CRELD2: variants seen among roughly 807,000 people sequenced by gnomAD.
CRELD2 encodes CRELD disulfide isomerase 2.
CRELD2 carries 33 observed loss-of-function variants against 48.1 expected under a neutral mutation model. The observed-to-expected ratio is 0.69, with a 90% confidence interval of 0.52 to 0.92. The LOEUF (loss-of-function observed/expected upper bound fraction) is 0.92. CRELD2 is among the 40% of genes least tolerant of loss of function. The pLI, the probability that CRELD2 is intolerant of heterozygous loss-of-function variation, is 0.00. For synonymous variants in CRELD2, 220 were observed against 203.9 expected (o/e 1.08, Z -0.67); for missense variants, 477 against 482.4 (o/e 0.99, Z 0.10).
intron 3 of CRELD2, 126 bp downstream of exon 3, chr22:49,919,966 C>A: frequency 1.2e-6 from 1 of 824,534 alleles, no homozygotes; most frequent in South Asian, 1.5e-5. Flanking sequence ...CACCTTACCC[C>A]TGCATTACCG....
chr22:49,918,746 CGTCT>C lies in CRELD2; in HGVS notation c.-23_-20del. 1 of 966,640 alleles carries C rather than the reference CGTCT, an allele frequency of 1.0e-6. No individual in the cohort carries two copies. The highest frequency in any genetic ancestry group is 1.4e-6 in the Non-Finnish European group (1 of 735,516). The allele number at this position is 966,640 out of a possible 1,614,324, so 59.9% of individuals were successfully genotyped here. A position where few individuals can be genotyped will look rare whatever the true frequency, so the allele number is the denominator to read the frequency against. Reference sequence around the variant, plus strand: ...GCCGCAGGACCTGGAGCTCCGGCTGCGTCTTCCCGCAGCGCTACCCGCCATGCGC... The same window carrying C: ...GCCGCAGGACCTGGAGCTCCGGCTGCTCCCGCAGCGCTACCCGCCATGCGC... On this transcript the variant is annotated 5_prime_UTR_variant, in exon 1 of 10. Coordinates refer to ENST00000328268, the MANE Select transcript of CRELD2 (RefSeq NM_024324.5).
chr22:49,921,380 C>G lies in CRELD2; in HGVS notation c.416-205C>G. 6.8e-6 allele frequency: 4 copies of G among 586,412 alleles called. No homozygotes were observed. In the South Asian group the frequency reaches 8.7e-5, roughly 13 times the overall value. 36.3% of individuals were successfully genotyped at this position (586,412 alleles called of 1,614,324 possible). ...ACGTGGCCATAGTGAAGCCCAGGAG[C>G]CTGTGGCTTGCTCCACTCAGGCGAT... On this transcript the variant is annotated intron_variant, in intron 4 of 9. Transcript: ENST00000328268.
intron 5 of CRELD2, chr22:49,922,220 C>T: frequency 6.7e-7 from 1 of 1,484,578 alleles, no homozygotes; most frequent in Non-Finnish European, 9.1e-7. Context: ...GCCGGCAGCC[C>T]CTAGGCTATT....
At chr22:49,923,962 T>C (rs1601846787) in intron 7 of CRELD2, 2 of 227,716 alleles carry the variant, frequency 8.8e-6, no homozygotes, top group East Asian at 2.5e-4. Context: ...CAGTTTTCAC[T>C]GTTGGGAGTG....
chr22:49,921,954 C>A (rs1356210295), intron 5 of CRELD2, 193 bp downstream of exon 5: 2 of 626,302 alleles, frequency 3.2e-6, no homozygotes, highest in African/African-American at 3.7e-5. Context: ...ACTTCCTGTC[C>A]CGTAACAGCC....
intron 3 of CRELD2, 97 bp downstream of exon 3, chr22:49,919,937 C>T: frequency 1.0e-6 from 1 of 984,724 alleles, no homozygotes; most frequent in Non-Finnish European, 1.6e-6. Flanking sequence ...CAGTAGGGAG[C>T]TCCCACCTGC....
At chr22:49,924,540 A>C (rs1418772435) in intron 8 of CRELD2, 85 bp downstream of exon 8, 6 of 1,038,836 alleles carry the variant, frequency 5.8e-6, no homozygotes, top group Admixed American at 2.1e-5. Context: ...ACTGCCAGGG[A>C]TGGGAAGCAG....
chr22:49,918,657 T>C lies in CRELD2; in HGVS notation c.-113T>C, dbSNP rs1052125187. ...GCGGGGCCTCGCCGGCGCCGTCAAG[T>C]AGCCTGGGGGACAGGCCGGCGCGGC... On this transcript the variant is annotated 5_prime_UTR_variant, in exon 1 of 10. Transcript: ENST00000328268. The C allele has an allele frequency of 1.6e-5, 6 of 374,546 alleles. No individual in the cohort carries two copies. The highest frequency in any genetic ancestry group is 2.3e-5 in the Non-Finnish European group (5 of 217,432). The allele number at this position is 374,546 out of a possible 1,614,324, so 23.2% of individuals were successfully genotyped here.
chr22:49,927,526 T>C lies in CRELD2; in HGVS notation c.*219T>C. ...TTGTAATAAAATTGACCATTGTAGG[T>C]AATCAGGAGGAGAACGGGCGTGGGT... On this transcript the variant is annotated 3_prime_UTR_variant, in exon 10 of 10. Coordinates refer to ENST00000328268, the MANE Select transcript of CRELD2 (RefSeq NM_024324.5). 1 of 560,810 alleles carries C rather than the reference T, an allele frequency of 1.8e-6. No homozygotes were observed. Among genetic ancestry groups the C allele is most frequent in the Non-Finnish European group, 3.2e-6 (1 of 310,672 alleles). The allele number at this position is 560,810 out of a possible 1,614,324, so 34.7% of individuals were successfully genotyped here.
rs369179050 is a variant in CRELD2, at chr22:49,927,334, T to G, written c.*27T>G. The G allele has an allele frequency of 6.3e-7, 1 of 1,599,576 alleles. No homozygotes were observed. The highest frequency in any genetic ancestry group is 8.6e-7 in the Non-Finnish European group (1 of 1,168,182). ...GTGCCGGACTTACCCTTTAAATTAT[T>G]CAGAAGGATGTCCCGTGGAAAATGT... On this transcript the variant is annotated 3_prime_UTR_variant, in exon 10 of 10. Transcript: ENST00000328268.
Position 49,924,538 on chromosome 22 carries a change from G to C in CRELD2, c.868+83G>C, listed in dbSNP as rs1168617156. On this transcript the variant is annotated intron_variant, in intron 8 of 9. Coordinates refer to ENST00000328268, the MANE Select transcript of CRELD2 (RefSeq NM_024324.5). ...GAATGGCCCCAGCAGGTACTGCCAG[G>C]GATGGGAAGCAGTTGAGACCCGTCC... is the stretch of plus-strand genomic sequence containing the variant. The C allele has an allele frequency of 8.5e-6, 9 of 1,055,292 alleles. No homozygotes were observed. In the Admixed American group the frequency reaches 1.3e-4, roughly 15 times the overall value. The allele number at this position is 1,055,292 out of a possible 1,614,324, so 65.4% of individuals were successfully genotyped here. A position where few individuals can be genotyped will look rare whatever the true frequency, so the allele number is the denominator to read the frequency against.
chr22:49,924,297 C>T (rs1005180401), intron 7 of CRELD2, 63 bp from the exon 8 acceptor site: 11 of 1,211,840 alleles, frequency 9.1e-6, no homozygotes, highest in South Asian at 4.0e-5. Context: ...TTGTGCATGT[C>T]GGGGTCTGAC....
intron 4 of CRELD2, 41 bp from the exon 5 acceptor site, chr22:49,921,544 C>G (rs2060686828): frequency 6.3e-7 from 1 of 1,593,028 alleles, no homozygotes; most frequent in African/African-American, 1.3e-5. Context: ...GCACCGGTCA[C>G]CACCAGGTGT....
In CRELD2 at chr22:49,920,148, A is replaced by G. The variant is rs2060667487; in HGVS notation, c.324-8A>G. ...TGGGATTCAGTGAATGTTTTCCTCC[A>G]TCCTCAGGAAGAGCGAATATCCTGA... On this transcript the variant is annotated splice_region_variant and splice_polypyrimidine_tract_variant and intron_variant, in intron 3 of 9. Coordinates refer to ENST00000328268, the MANE Select transcript of CRELD2 (RefSeq NM_024324.5). 1.3e-6 allele frequency: 2 copies of G among 1,592,882 alleles called. No individual in the cohort carries two copies. Among genetic ancestry groups the G allele is most frequent in the Admixed American group, 1.7e-5 (1 of 59,820 alleles).
intron 8 of CRELD2, 31 bp from the exon 9 acceptor site, chr22:49,925,382 AAAGT>A (rs2060749672): frequency 1.4e-6 from 2 of 1,384,712 alleles, no homozygotes; most frequent in Non-Finnish European, 2.0e-6. Flanking sequence ...TCTGCTGAGC[AAAGT>A]AATTATTAAA....
At position 49,923,331 on chromosome 22, in the gene CRELD2, G is replaced by A. The variant is rs781669658; in HGVS notation, c.772+14G>A. The A allele has an allele frequency of 1.4e-6, 2 of 1,404,488 alleles. No homozygotes were observed. Among genetic ancestry groups the A allele is most frequent in the South Asian group, 3.0e-5 (2 of 66,568 alleles). 87.0% of individuals were successfully genotyped at this position (1,404,488 alleles called of 1,614,324 possible). ...ACACGTGCGAAGGTGGGCCAGGCGG[G>A]CGGGTCTGCACTCCGGGGCCTGCCG... On this transcript the variant is annotated intron_variant, in intron 7 of 9. Coordinates refer to ENST00000328268, the MANE Select transcript of CRELD2 (RefSeq NM_024324.5).
chr22:49,918,944 C>T, intron 1 of CRELD2, 46 bp downstream of exon 1: 3 of 1,345,986 alleles, frequency 2.2e-6, no homozygotes, highest in Non-Finnish European at 2.9e-6. Context: ...CCCGGGGTCC[C>T]CCTCACCCTG....
Position 49,927,361 on chromosome 22 carries a change from G to C in CRELD2, c.*54G>C. On this transcript the variant is annotated 3_prime_UTR_variant, in exon 10 of 10. Coordinates refer to ENST00000328268, the MANE Select transcript of CRELD2 (RefSeq NM_024324.5). ...AGAAGGATGTCCCGTGGAAAATGTG[G>C]CCCTGAGGATGCCGTCTCCTGCAGT... 6.6e-7 allele frequency: 1 copy of C among 1,511,318 alleles called. No homozygotes were observed. The highest frequency in any genetic ancestry group is 9.2e-7 in the Non-Finnish European group (1 of 1,087,854). The allele number at this position is 1,511,318 out of a possible 1,614,324, so 93.6% of individuals were successfully genotyped here. A position where few individuals can be genotyped will look rare whatever the true frequency, so the allele number is the denominator to read the frequency against.
At chr22:49,923,560 C>T in intron 7 of CRELD2, 1 of 611,516 alleles carries the variant, frequency 1.6e-6, no homozygotes, top group Non-Finnish European at 3.0e-6. Flanking sequence ...GGTGCCTCCA[C>T]TGCTCGTGCC....
Sources: gnomAD v4.1 joint callset for allele counts on GRCh38, gnomAD v4.1.1 for gene constraint, MANE v1.5 for transcripts, NCBI Gene and HGNC (gene_info 2026-07-23, HGNC 2026-07-21) for gene names.